The following C9orf72 variants were observed in gnomAD, a reference collection of about 807,000 sequenced individuals.
C9orf72 encodes guanine nucleotide exchange factor C9orf72.
Under a neutral mutation model 51.6 loss-of-function variants are expected in C9orf72, and 44 were observed. The observed-to-expected ratio is 0.85, with a 90% CI of 0.67 to 1.10. The LOEUF (loss-of-function observed/expected upper bound fraction) is 1.10. C9orf72 is among the 50% of genes least tolerant of loss of function. The pLI is 0.00. For synonymous variants in C9orf72, 213 were observed against 194.2 expected, an observed-to-expected ratio of 1.10 and a Z score of -0.81; for missense variants, 607 against 570.6, an observed-to-expected ratio of 1.06 and a Z score of -0.65.
At chr9:27,572,586 G>A (rs749455095) in intron 1 of C9orf72, among the ~76,000 whole-genome samples, 1 of 152,042 alleles carries the variant, frequency 6.6e-6, no homozygotes, top group East Asian at 1.9e-4. Context: ...CCACAACCAG[G>A]CAACTACTCT....
intron 5 of C9orf72, 178 bp from the exon 6 acceptor site, chr9:27,560,477 C>T (rs1340494631): frequency 1.6e-6 from 1 of 616,380 alleles, no homozygotes; most frequent in Non-Finnish European, 2.5e-6. Context: ...TTCTAGAGAC[C>T]TTTCACAGAA....
intron 9 of C9orf72, among the ~76,000 whole-genome samples, 174 bp from the exon 10 acceptor site, chr9:27,548,840 A>G (rs566544853): frequency 5.4e-5 from 8 of 148,582 alleles, no homozygotes; most frequent in East Asian, 4.1e-4. Flanking sequence ...GTGTAGGAAC[A>G]ATCTGATATT....
At chr9:27,564,100 A>G (rs1819412867) in intron 3 of C9orf72, among the ~76,000 whole-genome samples, 1 of 149,130 alleles carries the variant, frequency 6.7e-6, no homozygotes, top group African/African-American at 2.5e-5. Flanking sequence ...CATTCACAGT[A>G]TCTCAGACAT....
intron 3 of C9orf72, among the ~76,000 whole-genome samples, chr9:27,564,609 T>C (rs563630024): frequency 3.3e-5 from 5 of 152,248 alleles, no homozygotes; most frequent in African/African-American, 9.6e-5. Context: ...TCTACAAAAG[T>C]ACAAACATAA....
At chr9:27,573,154 G>C (rs570766153) in intron 1 of C9orf72, among the ~76,000 whole-genome samples, 1 of 152,134 alleles carries the variant, frequency 6.6e-6, no homozygotes, top group African/African-American at 2.4e-5. Flanking sequence ...GAGACAGCTC[G>C]GGTACTGAGG....
chr9:27,560,947 A>G (rs1405248218), intron 5 of C9orf72: 4 of 225,080 alleles, frequency 1.8e-5, no homozygotes, highest in Non-Finnish European at 3.0e-5. Flanking sequence ...GAAGAAATGT[A>G]AATAGGAAAT....
chr9:27,555,299 T>G (rs1279231424), intron 8 of C9orf72, among the ~76,000 whole-genome samples: 1 of 152,206 alleles, frequency 6.6e-6, no homozygotes, highest in Non-Finnish European at 1.5e-5. Flanking sequence ...GGGTCCTATA[T>G]TAAGTCATCT....
intron 3 of C9orf72, among the ~76,000 whole-genome samples, chr9:27,564,848 A>C (rs1819429465): frequency 1.3e-5 from 2 of 152,144 alleles, no homozygotes; most frequent in South Asian, 4.1e-4. Flanking sequence ...TCTTCACTGG[A>C]GATTCTCCTT....
intron 3 of C9orf72, among the ~76,000 whole-genome samples, chr9:27,563,903 A>T (rs1587315619): frequency 6.6e-6 from 1 of 152,160 alleles, no homozygotes; most frequent in Admixed American, 6.5e-5. Flanking sequence ...TTCCCTGTGA[A>T]GCAATTTTAT....
chr9:27,568,816 T>C (rs1819526650), intron 1 of C9orf72, among the ~76,000 whole-genome samples: 1 of 152,168 alleles, frequency 6.6e-6, no homozygotes, highest in Admixed American at 6.5e-5. Context: ...TTATTGTTAT[T>C]TTAGAGTGCA....
chr9:27,552,158 C>T (rs921803299), intron 8 of C9orf72, among the ~76,000 whole-genome samples: 2 of 152,278 alleles, frequency 1.3e-5, no homozygotes, highest in Middle Eastern at 3.4e-3. Flanking sequence ...TTCCTGATTG[C>T]TCTGGCTAGG....
chr9:27,567,216 C>T (rs776028493), intron 1 of C9orf72, 52 bp from the exon 2 acceptor site: 1 of 1,023,432 alleles, frequency 9.8e-7, no homozygotes, highest in Non-Finnish European at 1.4e-6. Flanking sequence ...TTAAAGATAT[C>T]CATCAAAACC....
At chr9:27,560,557 T>A in intron 5 of C9orf72, 1 of 733,910 alleles carries the variant, frequency 1.4e-6, no homozygotes. Context: ...TATTTATTTA[T>A]TGAAATACCA....
chr9:27,557,704 G>A (rs1195368241), intron 7 of C9orf72, among the ~76,000 whole-genome samples: 1 of 151,924 alleles, frequency 6.6e-6, no homozygotes, highest in Middle Eastern at 3.2e-3. Flanking sequence ...TAGAAACTAC[G>A]TTTCCTTTAA....
At chr9:27,555,388 T>C (rs1200058691) in intron 8 of C9orf72, among the ~76,000 whole-genome samples, 1 of 152,198 alleles carries the variant, frequency 6.6e-6, no homozygotes, top group Non-Finnish European at 1.5e-5. Flanking sequence ...TAACACTTAC[T>C]GTGTAATTAC....
intron 7 of C9orf72, among the ~76,000 whole-genome samples, chr9:27,557,448 A>C (rs1819230632): frequency 6.6e-6 from 1 of 152,154 alleles, no homozygotes; most frequent in South Asian, 2.1e-4. Context: ...TGCTGTGATA[A>C]TCATCTTTGT....
At chr9:27,573,094 C>G (rs1419848361) in intron 1 of C9orf72, among the ~76,000 whole-genome samples, 1 of 152,166 alleles carries the variant, frequency 6.6e-6, no homozygotes, top group Non-Finnish European at 1.5e-5. Context: ...ACCCGAGGCT[C>G]CCTTTTCTCG....
At chr9:27,554,566 A>C (rs1445066230) in intron 8 of C9orf72, 2 of 398,360 alleles carry the variant, frequency 5.0e-6, no homozygotes, top group Non-Finnish European at 8.8e-6. Flanking sequence ...TCACCTGTAC[A>C]CCAAACCCTC....
In C9orf72 at chr9:27,566,757, T is replaced by A. The variant is rs773159639; in HGVS notation, c.364A>T (p.Ser122Cys). Residue 122 changes from serine to cysteine, a missense_variant, in exon 2 of 11, where the codon AGT becomes TGT. By Grantham distance (112) the Ser-to-Cys change is moderately radical (BLOSUM62 -1). Transcript: ENST00000380003. The stretch of plus-strand genomic sequence containing the variant: ...ACTCTATGAAGTGGGAGGTAGAAAC[T>A]AAGTTCTGTCTGTGGAAGTATAATT... ...LSIILPQTEL[S>C]FYLPLHRVCV... 6.2e-7 allele frequency: 1 copy of A among 1,613,742 alleles called. No individual in the cohort carries two copies. Among genetic ancestry groups the A allele is most frequent in the Admixed American group, 1.7e-5 (1 of 59,988 alleles).
Sources: gnomAD v4.1 joint callset for allele counts (sites outside exome capture counted in the v4.1 genomes callset) on GRCh38, gnomAD v4.1.1 for gene constraint, MANE v1.5 for transcripts, NCBI Gene and HGNC (gene_info 2026-07-23, HGNC 2026-07-21) for gene names.